The following LRRC4C variants were observed in gnomAD, a reference collection of about 807,000 sequenced individuals.
LRRC4C encodes leucine rich repeat containing 4C.
In LRRC4C, 5 loss-of-function variants were observed where a neutral mutation model predicts 33.6. The observed-to-expected ratio is 0.15, with a 90% CI of 0.08 to 0.31. The LOEUF is 0.31. LRRC4C is among the 10% of genes least tolerant of loss of function. LRRC4C has a pLI of 1.00. For synonymous variants in LRRC4C, 329 were observed against 302.0 expected, an observed-to-expected ratio of 1.09 and a Z score of -0.93; for missense variants, 560 against 796.7, an observed-to-expected ratio of 0.70 and a Z score of 3.58.
chr11:41,443,089 A>ATTTTTTTTTTTTTTTTTTTTTTTTTTTCT, intron 1 of LRRC4C, among the ~76,000 whole-genome samples: 1 of 105,994 alleles, frequency 9.4e-6, no homozygotes, highest in Non-Finnish European at 1.8e-5. Flanking sequence ...TGTTTGCTTC[A>ATTTTTTTTTTTTTTTTTTTTTTTTTTTCT]TTTTTTTTTT....
intron 3 of LRRC4C, among the ~76,000 whole-genome samples, chr11:40,560,936 C>T (rs1364016227): frequency 6.6e-6 from 1 of 152,030 alleles, no homozygotes; most frequent in Non-Finnish European, 1.5e-5. Context: ...AATTTAAGGA[C>T]AAAAAGAGAT....
intron 5 of LRRC4C, among the ~76,000 whole-genome samples, chr11:40,162,168 A>T (rs1859209721): frequency 1.3e-5 from 2 of 152,094 alleles, no homozygotes; most frequent in Admixed American, 1.3e-4. Context: ...AGAAGAAAAA[A>T]AAAAAAAGAC....
intron 1 of LRRC4C, among the ~76,000 whole-genome samples, chr11:41,219,246 A>AAT (rs1555114045): frequency 6.6e-6 from 1 of 152,112 alleles, no homozygotes; most frequent in African/African-American, 2.4e-5. Flanking sequence ...AAAATTACAA[A>AAT]AATTCCTCTG....
chr11:41,194,371 A>C (rs1320671415), intron 1 of LRRC4C, among the ~76,000 whole-genome samples: 1 of 152,220 alleles, frequency 6.6e-6, no homozygotes, highest in East Asian at 1.9e-4. Flanking sequence ...TAGAGACATA[A>C]AACTCATGAT....
chr11:41,406,183 A>G (rs1270701863), intron 1 of LRRC4C, among the ~76,000 whole-genome samples: 1 of 152,186 alleles, frequency 6.6e-6, no homozygotes, highest in Non-Finnish European at 1.5e-5. Flanking sequence ...AAATGTACAC[A>G]TATTTTGAAG....
At chr11:41,125,844 C>T (rs977948748) in intron 1 of LRRC4C, among the ~76,000 whole-genome samples, 5 of 152,034 alleles carry the variant, frequency 3.3e-5, no homozygotes, top group East Asian at 1.9e-4. Flanking sequence ...TTGAAAAGAC[C>T]ATTACATACA....
intron 3 of LRRC4C, among the ~76,000 whole-genome samples, chr11:40,529,970 T>A (rs531200345): frequency 2.7e-4 from 41 of 152,226 alleles, no homozygotes; most frequent in African/African-American, 8.7e-4. Flanking sequence ...AAAGTATAAT[T>A]TTAAAAAATA....
At chr11:41,336,447 A>G (rs943191393) in intron 1 of LRRC4C, among the ~76,000 whole-genome samples, 4 of 152,098 alleles carry the variant, frequency 2.6e-5, no homozygotes, top group African/African-American at 9.7e-5. Context: ...GTGGGGAAAA[A>G]AAAAAATATC....
intron 2 of LRRC4C, among the ~76,000 whole-genome samples, chr11:40,813,956 A>G (rs776518361): frequency 3.9e-5 from 6 of 152,130 alleles, no homozygotes; most frequent in Admixed American, 6.5e-5. Flanking sequence ...GGACAGATCC[A>G]CCCCTGTGGC....
intron 1 of LRRC4C, among the ~76,000 whole-genome samples, chr11:40,984,371 G>GA (rs1215045021): frequency 3.6e-5 from 2 of 56,052 alleles, no homozygotes; most frequent in Non-Finnish European, 9.2e-5. Context: ...AAAAAAGAAA[G>GA]AAAGAAAGAA....
At chr11:40,482,799 A>T (rs1953655099) in intron 3 of LRRC4C, among the ~76,000 whole-genome samples, 3 of 152,142 alleles carry the variant, frequency 2.0e-5, no homozygotes, top group Non-Finnish European at 2.9e-5. Flanking sequence ...TAAGAATACA[A>T]AGAACCTAAA....
At chr11:40,418,699 C>T (rs1388694677) in intron 3 of LRRC4C, among the ~76,000 whole-genome samples, 5 of 152,034 alleles carry the variant, frequency 3.3e-5, no homozygotes, top group African/African-American at 7.2e-5. Flanking sequence ...AGCGAAGGCA[C>T]GGAATGAACC....
intron 1 of LRRC4C, among the ~76,000 whole-genome samples, chr11:41,419,864 C>A (rs1954815437): frequency 6.6e-6 from 1 of 151,820 alleles, no homozygotes; most frequent in African/African-American, 2.4e-5. Flanking sequence ...AGCCTCCATC[C>A]CTGCCATACT....
chr11:41,062,792 T>A (rs1937889150), intron 1 of LRRC4C, among the ~76,000 whole-genome samples: 1 of 152,010 alleles, frequency 6.6e-6, no homozygotes, highest in South Asian at 2.1e-4. Flanking sequence ...GTGACTGACA[T>A]CCTTAAAAGA....
At chr11:41,235,809 A>C (rs1460481472) in intron 1 of LRRC4C, among the ~76,000 whole-genome samples, 1 of 152,096 alleles carries the variant, frequency 6.6e-6, no homozygotes, top group Non-Finnish European at 1.5e-5. Flanking sequence ...TCTGCCTCCC[A>C]GGGGAGTTCT....
intron 2 of LRRC4C, among the ~76,000 whole-genome samples, chr11:40,715,741 A>G (rs1946673547): frequency 1.3e-5 from 2 of 152,188 alleles, no homozygotes; most frequent in Admixed American, 6.6e-5. Context: ...AACAAGGTCT[A>G]GGGCTGGGCG....
At chr11:40,514,978 C>G (rs1280275904) in intron 3 of LRRC4C, among the ~76,000 whole-genome samples, 3 of 152,044 alleles carry the variant, frequency 2.0e-5, no homozygotes, top group African/African-American at 7.2e-5. Context: ...CTAAAACATC[C>G]ACACCATATC....
intron 4 of LRRC4C, among the ~76,000 whole-genome samples, chr11:40,310,194 A>C (rs1193504343): frequency 1.3e-5 from 2 of 152,196 alleles, no homozygotes; most frequent in Non-Finnish European, 2.9e-5. Flanking sequence ...TATTTTATAA[A>C]TTGGAACATA....
At chr11:40,999,956 A>G (rs1202792554) in intron 1 of LRRC4C, among the ~76,000 whole-genome samples, 2 of 152,156 alleles carry the variant, frequency 1.3e-5, no homozygotes, top group East Asian at 3.8e-4. Flanking sequence ...CAGCATGAAA[A>G]TAATGTTACC....
Sources: gnomAD v4.1 joint callset for allele counts (sites outside exome capture counted in the v4.1 genomes callset) on GRCh38, gnomAD v4.1.1 for gene constraint, MANE v1.5 for transcripts, NCBI Gene and HGNC (gene_info 2026-07-23, HGNC 2026-07-21) for gene names.